The following NALCN variants were observed in gnomAD, a reference collection of about 807,000 sequenced individuals.
NALCN encodes the protein sodium leak channel, non-selective.
In NALCN, 111 loss-of-function variants were observed where a neutral mutation model predicts 225.3. The ratio of observed to expected loss-of-function variants is 0.49; its 90% CI spans 0.42 to 0.58. The LOEUF (loss-of-function observed/expected upper bound fraction) is 0.58, where lower values mean the gene tolerates loss of function less well. Among genes scored for constraint, NALCN ranks in the 20% least tolerant of loss-of-function variants. The pLI is 0.00. For synonymous variants in NALCN, 764 were observed against 769.0 expected, an observed-to-expected ratio of 0.99 and a Z score of 0.11; for missense variants, 1,378 against 2,202.4, an observed-to-expected ratio of 0.63 and a Z score of 7.49.
chr13:101,354,016 G>C (rs769190171), intron 6 of NALCN, among the ~76,000 whole-genome samples: 37 of 152,164 alleles, frequency 2.4e-4, no homozygotes, highest in Non-Finnish European at 5.0e-4. Context: ...GTTAGGATAA[G>C]GCAATGAGAG....
intron 34 of NALCN, among the ~76,000 whole-genome samples, chr13:101,079,132 T>A (rs1399452347): frequency 6.6e-6 from 1 of 152,220 alleles, no homozygotes; most frequent in East Asian, 1.9e-4. Flanking sequence ...TAAATATCTT[T>A]CCTTTATAAA....
intron 18 of NALCN, among the ~76,000 whole-genome samples, chr13:101,119,934 T>C (rs2139681036): frequency 6.6e-6 from 1 of 152,366 alleles, no homozygotes; most frequent in South Asian, 2.1e-4. Context: ...CACTTTTTTT[T>C]TTCTCATCAA....
Position 101,103,115 on chromosome 13 carries a change from T to C in NALCN, c.3057+57A>G, listed in dbSNP as rs907852852. On this transcript the variant is annotated intron_variant, in intron 26 of 43. Coordinates refer to ENST00000251127, the MANE Select transcript of NALCN (RefSeq NM_052867.4). ...TAAGCAAGACTCACTTTTCCCTCATTAGCTGCATTAGAGGTGGACTACTGT... is the reference window on the plus strand; with the variant it reads ...TAAGCAAGACTCACTTTTCCCTCATCAGCTGCATTAGAGGTGGACTACTGT... 25 of 1,563,956 alleles carry C rather than the reference T, an allele frequency of 1.6e-5. 1 individual carries two copies. The Admixed American group carries it at 1.7e-4, about 11-fold the overall frequency.
chr13:101,291,431 G>A (rs1190717977), intron 9 of NALCN, among the ~76,000 whole-genome samples: 1 of 152,168 alleles, frequency 6.6e-6, no homozygotes, highest in Non-Finnish European at 1.5e-5. Flanking sequence ...GACGATCTTG[G>A]TTTTGTATCA....
At chr13:101,317,593 A>C (rs1228515130) in intron 7 of NALCN, among the ~76,000 whole-genome samples, 2 of 152,186 alleles carry the variant, frequency 1.3e-5, no homozygotes, top group Non-Finnish European at 2.9e-5. Flanking sequence ...GCATCTTCTA[A>C]CATCACTCCA....
chr13:101,308,024 C>A (rs758789432), intron 7 of NALCN, among the ~76,000 whole-genome samples: 8 of 152,064 alleles, frequency 5.3e-5, no homozygotes, highest in Non-Finnish European at 1.0e-4. Context: ...CTAACTATGG[C>A]TTTGTTCTGT....
intron 6 of NALCN, among the ~76,000 whole-genome samples, chr13:101,363,438 T>C (rs2046302274): frequency 6.6e-6 from 1 of 152,052 alleles, no homozygotes; most frequent in African/African-American, 2.4e-5. Context: ...AATACATGCT[T>C]TTACAGCCAA....
chr13:101,240,167 T>C (rs2041705643), intron 11 of NALCN, among the ~76,000 whole-genome samples: 1 of 152,102 alleles, frequency 6.6e-6, no homozygotes, highest in Admixed American at 6.6e-5. Flanking sequence ...TTCACATATG[T>C]CTACAACTTT....
chr13:101,270,734 T>C (rs1001400221), intron 10 of NALCN, among the ~76,000 whole-genome samples: 1 of 152,210 alleles, frequency 6.6e-6, no homozygotes, highest in Non-Finnish European at 1.5e-5. Flanking sequence ...AGGCATCATA[T>C]TGCTGCTCCA....
At chr13:101,102,832 A>C (rs1268744910) in intron 26 of NALCN, among the ~76,000 whole-genome samples, 1 of 152,222 alleles carries the variant, frequency 6.6e-6, no homozygotes, top group Non-Finnish European at 1.5e-5. Context: ...TGTGGAGTAC[A>C]CAGTGTTGAA....
Position 101,104,662 on chromosome 13 carries a change from C to T in NALCN, c.2637-12G>A, listed in dbSNP as rs745633599. 6.2e-7 allele frequency: 1 copy of T among 1,613,482 alleles called. No individual in the cohort carries two copies. Among genetic ancestry groups the T allele is most frequent in the Non-Finnish European group, 8.5e-7 (1 of 1,179,722 alleles). Reference sequence around the variant, plus strand: ...ATCCCAGCAAATCACTGCCAAAGACCAAACAAAATTGAGAAACATAAAGGT... The same window carrying T: ...ATCCCAGCAAATCACTGCCAAAGACTAAACAAAATTGAGAAACATAAAGGT... On this transcript the variant is annotated splice_polypyrimidine_tract_variant and intron_variant, in intron 23 of 43. Coordinates refer to ENST00000251127, the MANE Select transcript of NALCN (RefSeq NM_052867.4). This position sits in a 1 kb window ranked among gnomAD's most constrained non-coding sequence, Gnocchi z 4.2.
chr13:101,409,319 G>A (rs565732859), intron 1 of NALCN, among the ~76,000 whole-genome samples: 5 of 152,224 alleles, frequency 3.3e-5, no homozygotes, highest in Admixed American at 6.5e-5. Flanking sequence ...CATTTAACAC[G>A]AGAACTGTCT....
At chr13:101,345,737 AATATATATATATAT>A (rs10560892) in intron 6 of NALCN, among the ~76,000 whole-genome samples, 1,433 of 86,660 alleles carry the variant, frequency 0.017, 117 homozygotes, top group African/African-American at 0.063. Flanking sequence ...CAGCAAAGAG[AATATATATATATAT>A]ATATATATAT....
chr13:101,404,740 C>A (rs78766286), intron 1 of NALCN, among the ~76,000 whole-genome samples: 6,107 of 152,222 alleles, frequency 0.04, 224 homozygotes, highest in East Asian at 0.11. Context: ...TTAAATCTAG[C>A]CATATTCTGT....
chr13:101,331,486 T>C (rs755288683), intron 7 of NALCN, among the ~76,000 whole-genome samples: 2 of 152,124 alleles, frequency 1.3e-5, no homozygotes, highest in Non-Finnish European at 2.9e-5. Flanking sequence ...TGAAAATACG[T>C]AAACAACTCT....
intron 34 of NALCN, among the ~76,000 whole-genome samples, chr13:101,080,443 G>C (rs2033549520): frequency 6.7e-6 from 1 of 149,974 alleles, no homozygotes; most frequent in Non-Finnish European, 1.5e-5. Context: ...TTTGGATATA[G>C]TTTAGAAAAT....
intron 13 of NALCN, among the ~76,000 whole-genome samples, chr13:101,194,167 G>A (rs1161603878): frequency 1.3e-5 from 2 of 152,068 alleles, no homozygotes; most frequent in African/African-American, 4.8e-5. Flanking sequence ...GTGGAGTTAT[G>A]GGATTGTAAT....
In NALCN at chr13:101,376,926, T is replaced by C. The variant is rs747256002; in HGVS notation, c.506A>G (p.Asn169Ser). 3 of 1,614,218 alleles carry C rather than the reference T, an allele frequency of 1.9e-6. No homozygotes were observed. In the Admixed American group the frequency reaches 5.0e-5, roughly 27 times the overall value. ...GTAAAGCAGCGCTCACTTTAAAATA[T>C]TTGTAATTCTGGTCCTTGGCAGTTC... Reference protein sequence around the residue: ...RFELPRTRITNILKRSGEQIW... With the variant: ...RFELPRTRITSILKRSGEQIW... The change falls in exon 5 of 44, where the codon AAT becomes AGT. Residue 169 changes from asparagine (N) to serine (S), a missense_variant. Asn to Ser is a conservative substitution (Grantham distance 46, BLOSUM62 1). This residue lies in a region of NALCN where 14 missense variants were observed against 58.2 expected (regional missense o/e 0.24). Transcript: ENST00000251127.
intron 11 of NALCN, among the ~76,000 whole-genome samples, chr13:101,251,665 T>C (rs768397798): frequency 4.6e-5 from 7 of 152,094 alleles, no homozygotes; most frequent in Non-Finnish European, 1.0e-4. Context: ...AGAAAAAGAA[T>C]CCTGCAAAAT....
Sources: gnomAD v4.1 joint callset for allele counts (sites outside exome capture counted in the v4.1 genomes callset) on GRCh38, gnomAD v4.1.1 for gene constraint, gnomAD v4.1.1 regional missense constraint, Gnocchi (gnomAD v3.1) non-coding constraint, MANE v1.5 for transcripts, NCBI Gene and HGNC (gene_info 2026-07-23, HGNC 2026-07-21) for gene names.